COBLL1: variants seen among roughly 807,000 people sequenced by gnomAD.
COBLL1 encodes cordon-bleu WH2 repeat protein like 1.
A neutral mutation model predicts 94.8 loss-of-function variants in COBLL1; 50 were observed. That is an observed-to-expected ratio of 0.53 (90% CI 0.42 to 0.67). The LOEUF (loss-of-function observed/expected upper bound fraction) is 0.67. Among genes scored for constraint, COBLL1 ranks in the 30% least tolerant of loss-of-function variants. The pLI, the probability that COBLL1 is intolerant of heterozygous loss-of-function variation, is 0.00. For missense variants in COBLL1, 1,362 were observed against 1,348.7 expected (o/e 1.01, Z -0.15); for synonymous variants, 448 against 473.8 (o/e 0.95, Z 0.71).
chr2:164,775,686 T>A (rs2105261977), intron 2 of COBLL1, among the ~76,000 whole-genome samples: 1 of 152,206 alleles, frequency 6.6e-6, no homozygotes, highest in Middle Eastern at 3.4e-3. Context: ...ACTCCTGACC[T>A]CAAGTGATCT....
intron 4 of COBLL1, among the ~76,000 whole-genome samples, chr2:164,728,617 G>C (rs1685833825): frequency 6.6e-6 from 1 of 151,800 alleles, no homozygotes; most frequent in South Asian, 2.1e-4. Flanking sequence ...CAATAAAAAG[G>C]GGTATTTTGG....
chr2:164,729,872 A>T lies in COBLL1; in HGVS notation c.432+42T>A, dbSNP rs1685896319. 5 of 1,508,236 alleles carry T rather than the reference A, an allele frequency of 3.3e-6. No homozygotes were observed. In the South Asian group the frequency reaches 4.5e-5, roughly 14 times the overall value. The allele number at this position is 1,508,236 out of a possible 1,614,324, so 93.4% of individuals were successfully genotyped here. A position where few individuals can be genotyped will look rare whatever the true frequency, so the allele number is the denominator to read the frequency against. On this transcript the variant is annotated intron_variant, in intron 4 of 13. Coordinates refer to ENST00000652658, the MANE Select transcript of COBLL1 (RefSeq NM_001365672.2). ...ATTTCACTTACAATGAGCTGCTGAT[A>T]ATGACTGAATAAGACATCAAAATAT...
intron 1 of COBLL1, among the ~76,000 whole-genome samples, chr2:164,670,240 G>T (rs1242261127): frequency 2.0e-5 from 3 of 152,076 alleles, no homozygotes; most frequent in Admixed American, 6.5e-5. Flanking sequence ...GGAAGAATTT[G>T]AACTTGAAAG....
At chr2:164,686,879 A>C (rs1221947994) in intron 13 of COBLL1, among the ~76,000 whole-genome samples, 1 of 152,256 alleles carries the variant, frequency 6.6e-6, no homozygotes, top group African/African-American at 2.4e-5. Flanking sequence ...TCTTACAAGA[A>C]GACAACTGGA....
intron 2 of COBLL1, among the ~76,000 whole-genome samples, chr2:164,797,171 G>A (rs796306832): frequency 6.6e-6 from 1 of 152,132 alleles, no homozygotes; most frequent in Non-Finnish European, 1.5e-5. Flanking sequence ...GGTAGAATGC[G>A]AATGTAACTC....
At chr2:164,779,810 A>G (rs1341826021) in intron 2 of COBLL1, 10 of 463,548 alleles carry the variant, frequency 2.2e-5, no homozygotes, top group Admixed American at 1.5e-4. Context: ...AAGACTTAAG[A>G]TGATAGCACT....
At chr2:164,765,487 T>C (rs1687886461) in intron 2 of COBLL1, among the ~76,000 whole-genome samples, 2 of 152,290 alleles carry the variant, frequency 1.3e-5, no homozygotes, top group East Asian at 3.9e-4. Context: ...CCATAAAAGG[T>C]ATTTTTTTAA....
At chr2:164,787,266 T>C (rs1261090972) in intron 2 of COBLL1, among the ~76,000 whole-genome samples, 3 of 152,280 alleles carry the variant, frequency 2.0e-5, no homozygotes, top group African/African-American at 7.2e-5. Context: ...TAGGAACTTG[T>C]CATTACCTGA....
chr2:164,830,599 T>C (rs962603796), intron 2 of COBLL1, among the ~76,000 whole-genome samples: 5 of 152,220 alleles, frequency 3.3e-5, no homozygotes. Flanking sequence ...ATTGGAAATA[T>C]ATTTCTAGAT....
At chr2:164,725,327 C>T (rs73013692) in intron 5 of COBLL1, among the ~76,000 whole-genome samples, 1,642 of 151,974 alleles carry the variant, frequency 0.011, 31 homozygotes, top group African/African-American at 0.038. Flanking sequence ...CACCGCTTAT[C>T]GCATATGGAT....
chr2:164,822,781 A>G (rs1403537068), intron 2 of COBLL1, among the ~76,000 whole-genome samples: 1 of 125,706 alleles, frequency 8.0e-6, no homozygotes, highest in African/African-American at 3.0e-5. Flanking sequence ...TATTATTATT[A>G]TTTTGGAGAC....
In COBLL1 at chr2:164,773,672, T is replaced by C. The variant is rs890544353; in HGVS notation, c.42-29797A>G. The C allele has an allele frequency of 8.6e-6, 8 of 929,622 alleles. No individual in the cohort carries two copies. The African/African-American group carries it at 1.0e-4, about 12-fold the overall frequency. The allele number at this position is 929,622 out of a possible 1,614,324, so 57.6% of individuals were successfully genotyped here. ...AAGCAAAAGATTAGGAAAGGTTAAA[T>C]TATTTTAAAAGTTTTACACAACGTA... is the stretch of plus-strand genomic sequence containing the variant. On this transcript the variant is annotated intron_variant, in intron 2 of 13. Transcript: ENST00000652658.
At chr2:164,762,614 C>G (rs1687737730) in intron 2 of COBLL1, among the ~76,000 whole-genome samples, 1 of 151,920 alleles carries the variant, frequency 6.6e-6, no homozygotes, top group Non-Finnish European at 1.5e-5. Context: ...ATCTGATCAT[C>G]TTAAATCACT....
At chr2:164,825,108 T>C (rs182437814) in intron 2 of COBLL1, among the ~76,000 whole-genome samples, 1 of 152,334 alleles carries the variant, frequency 6.6e-6, no homozygotes, top group East Asian at 1.9e-4. Context: ...CCATTAAATA[T>C]AGCAACATGT....
intron 1 of COBLL1, among the ~76,000 whole-genome samples, chr2:164,672,773 T>C (rs1691266781): frequency 6.6e-6 from 1 of 151,038 alleles, no homozygotes; most frequent in Admixed American, 6.6e-5. Flanking sequence ...AATATTGGTG[T>C]GATGATTCAT....
chr2:164,753,534 T>C (rs934901917), intron 2 of COBLL1, among the ~76,000 whole-genome samples: 1 of 152,138 alleles, frequency 6.6e-6, no homozygotes, highest in Non-Finnish European at 1.5e-5. Flanking sequence ...ACCTTGTCAT[T>C]ACCCGCCTTT....
chr2:164,802,409 T>C (rs1288631135), intron 2 of COBLL1, among the ~76,000 whole-genome samples: 1 of 152,192 alleles, frequency 6.6e-6, no homozygotes. Context: ...CAAATGTGTA[T>C]GTGTATTTGC....
intron 2 of COBLL1, among the ~76,000 whole-genome samples, chr2:164,769,565 T>C (rs146054793): frequency 1.6e-4 from 25 of 152,314 alleles, no homozygotes; most frequent in African/African-American, 4.3e-4. Flanking sequence ...TGAGCTCATT[T>C]AGGAGTAATT....
chr2:164,805,221 C>G (rs751979744), intron 2 of COBLL1, among the ~76,000 whole-genome samples: 2 of 146,284 alleles, frequency 1.4e-5, no homozygotes, highest in Non-Finnish European at 3.0e-5. Flanking sequence ...TTATACACAA[C>G]TTGTATCAGT....
Sources: allele counts gnomAD v4.1 joint callset (sites outside exome capture counted in the v4.1 genomes callset), GRCh38; gene constraint gnomAD v4.1.1; transcripts MANE v1.5; gene names NCBI Gene and HGNC (gene_info 2026-07-23, HGNC 2026-07-21).